GXYLT1: variants seen among roughly 807,000 people sequenced by gnomAD.
The protein encoded by GXYLT1 is glycosyltransferase 8 domain containing 3.
In GXYLT1, 29 loss-of-function variants were observed where a neutral mutation model predicts 54.0. The observed-to-expected ratio is 0.54, with a 90% CI of 0.40 to 0.73. The LOEUF is 0.73. Among genes scored for constraint, GXYLT1 ranks in the 30% least tolerant of loss-of-function variants. GXYLT1 has a pLI of 0.00. For missense variants in GXYLT1, 490 were observed against 553.4 expected (o/e 0.89, Z 1.15); for synonymous variants, 176 against 204.1 (o/e 0.86, Z 1.17).
chr12:42,096,655 AG>A (rs2065357481), intron 7 of GXYLT1, among the ~76,000 whole-genome samples: 1 of 152,188 alleles, frequency 6.6e-6, no homozygotes, highest in African/African-American at 2.4e-5. Flanking sequence ...AACATGGTGA[AG>A]ATTGTTTTGG....
At chr12:42,129,650 T>C (rs1334293014) in intron 2 of GXYLT1, 109 bp downstream of exon 2, 7 of 637,030 alleles carry the variant, frequency 1.1e-5, no homozygotes, top group South Asian at 2.6e-5. Flanking sequence ...GAAAATAAAT[T>C]ATTTGTATAA....
At position 42,104,254 on chromosome 12, in the gene GXYLT1, C is replaced by CTTT. The variant is rs200928276; in HGVS notation, c.864+1563_864+1564insAAA. On this transcript the variant is annotated intron_variant, in intron 5 of 7. Coordinates refer to ENST00000398675, the MANE Select transcript of GXYLT1 (RefSeq NM_173601.2). ...TTCAAATGCAGTTATTGAGAAGTCA[C>CTTT]ATTTTTTTTTTTTGCAGATAATCTT... 6.1e-5 allele frequency among the ~76,000 whole-genome samples: 6 copies of CTTT among 98,318 alleles called. 1 individual carries two copies. Among genetic ancestry groups the CTTT allele is most frequent in the Non-Finnish European group, 2.0e-5 (1 of 49,886 alleles). 64.5% of individuals were successfully genotyped at this position (98,318 alleles called of 152,430 possible).
intron 3 of GXYLT1, 29 bp from the exon 4 acceptor site, chr12:42,109,720 G>T: frequency 7.3e-7 from 1 of 1,362,986 alleles, no homozygotes; most frequent in Non-Finnish European, 1.0e-6. Flanking sequence ...AAACTGTTTA[G>T]TTTCACTCTG....
chr12:42,116,533 A>G (rs2065496552), intron 3 of GXYLT1, among the ~76,000 whole-genome samples: 1 of 152,356 alleles, frequency 6.6e-6, no homozygotes, highest in South Asian at 2.1e-4. Flanking sequence ...AAAAATGCTC[A>G]CCATCACTGG....
At chr12:42,099,285 A>T (rs1292420291) in intron 5 of GXYLT1, among the ~76,000 whole-genome samples, 1 of 152,210 alleles carries the variant, frequency 6.6e-6, no homozygotes, top group Non-Finnish European at 1.5e-5. Context: ...ACGCTACTTG[A>T]GAAAGAACCC....
rs2065417461 is a variant in GXYLT1, at chr12:42,105,934, C to T, written c.748G>A (p.Glu250Lys). 1 of 1,613,942 alleles carries T rather than the reference C, an allele frequency of 6.2e-7. No individual in the cohort carries two copies. The highest frequency in any genetic ancestry group is 1.7e-5 in the Admixed American group (1 of 60,008). Residue 250 changes from glutamate (E) to lysine (K), a missense_variant, in exon 5 of 8, where the codon GAA (glutamate) becomes AAA (lysine). Physicochemically the swap from Glu to Lys is moderately conservative, Grantham distance 56. Around this residue, in one of 2 missense-constraint regions of GXYLT1, gnomAD observed 342 missense variants for 342.6 expected, o/e 1.00. Transcript: ENST00000398675. The stretch of plus-strand genomic sequence containing the variant: ...CGATTATACCATCCTATTCGAGGTT[C>T]CTCATGTTCTGGTGCCATTGCAGCA... ...QIAAMAPEHE[E>K]PRIGWYNRFA... is the part of the protein sequence containing the mutation.
intron 5 of GXYLT1, among the ~76,000 whole-genome samples, chr12:42,102,208 G>A (rs1326187672): frequency 6.6e-6 from 1 of 152,098 alleles, no homozygotes; most frequent in African/African-American, 2.4e-5. Flanking sequence ...TAAAATTAAA[G>A]CGCATTCACA....
intron 1 of GXYLT1, among the ~76,000 whole-genome samples, chr12:42,133,918 C>T (rs1292141103): frequency 6.6e-5 from 10 of 152,072 alleles, no homozygotes; most frequent in African/African-American, 1.7e-4. Flanking sequence ...AAATGCTGGC[C>T]GGGCACAGTG....
intron 2 of GXYLT1, among the ~76,000 whole-genome samples, chr12:42,121,833 G>C (rs1053195397): frequency 1.3e-5 from 2 of 151,882 alleles, no homozygotes; most frequent in African/African-American, 2.4e-5. Flanking sequence ...ATTATATACA[G>C]TACAGGCTCA....
chr12:42,097,926 C>T lies in GXYLT1; in HGVS notation c.972G>A (p.Val324=). The T allele has an allele frequency of 6.3e-7, 1 of 1,585,896 alleles. No homozygotes were observed. The highest frequency in any genetic ancestry group is 8.6e-7 in the Non-Finnish European group (1 of 1,164,994). The change falls in exon 6 of 8, where the codon GTG becomes GTA. Residue 324 remains valine, a synonymous_variant. Transcript: ENST00000398675. ...AATAATTACCTGGATTATGAAAAAA[C>T]ACGATATTCAATAGATCTTGATCAC... ...TWGDQDLLNI[V]FFHNPESLFV...
At chr12:42,098,081 T>TA (rs768583628) in intron 5 of GXYLT1, 48 bp from the exon 6 acceptor site, 1 of 1,583,088 alleles carries the variant, frequency 6.3e-7, no homozygotes, top group East Asian at 2.2e-5. Context: ...AGGCTTAAAA[T>TA]GGCAGCATGA....
Position 42,087,926 on chromosome 12 carries a change from T to A in GXYLT1, c.1183A>T (p.Ile395Phe). Reference protein sequence around the residue: ...LRNCSFEDDNIRSLLKPLELE... With the variant: ...LRNCSFEDDNFRSLLKPLELE... ...TCTAAAGGTTTTAATAAGGAACGGA[T>A]GTTGTCATCTTCAAAAGAACACTAG... The change falls in exon 8 of 8, where the codon ATC becomes TTC. Residue 395 changes from isoleucine (I) to phenylalanine (F), a missense_variant. Around this residue, in one of 2 missense-constraint regions of GXYLT1, gnomAD observed 342 missense variants for 342.6 expected, o/e 1.00. Transcript: ENST00000398675. 1 of 1,552,262 alleles carries A rather than the reference T, an allele frequency of 6.4e-7. No individual in the cohort carries two copies. Among genetic ancestry groups the A allele is most frequent in the Non-Finnish European group, 8.7e-7 (1 of 1,150,464 alleles).
At chr12:42,119,295 A>G (rs2065516579) in intron 2 of GXYLT1, 124 bp from the exon 3 acceptor site, 4 of 738,340 alleles carry the variant, frequency 5.4e-6, no homozygotes, top group African/African-American at 5.3e-5. Context: ...AGTCCCAGCT[A>G]CACGGGAAGC....
chr12:42,143,085 T>G (rs1422597287), intron 1 of GXYLT1, among the ~76,000 whole-genome samples: 1 of 152,206 alleles, frequency 6.6e-6, no homozygotes, highest in Non-Finnish European at 1.5e-5. Flanking sequence ...ACAAAATTTG[T>G]AAATTTCTGT....
rs77580537 is a variant in GXYLT1 at position 42,083,624 on chromosome 12, A to G, written c.*4162T>C. ...ATATCTGAAAAATAAGACAGCCAAT[A>G]ATATCTTTTAAGGTATTTCTGCTGT... On this transcript the variant is annotated 3_prime_UTR_variant, in exon 8 of 8. Coordinates refer to ENST00000398675, the MANE Select transcript of GXYLT1 (RefSeq NM_173601.2). 8.1e-5 allele frequency: 2 copies of G among 24,734 alleles called. No individual in the cohort carries two copies. The highest frequency in any genetic ancestry group is 3.7e-4 in the Admixed American group (1 of 2,684). 1.5% of individuals were successfully genotyped at this position (24,734 alleles called of 1,614,324 possible).
At chr12:42,114,321 A>G (rs2065478881) in intron 3 of GXYLT1, among the ~76,000 whole-genome samples, 1 of 152,252 alleles carries the variant, frequency 6.6e-6, no homozygotes, top group South Asian at 2.1e-4. Flanking sequence ...AAACACGTCA[A>G]AAGATTAATG....
intron 3 of GXYLT1, among the ~76,000 whole-genome samples, chr12:42,111,009 C>G (rs959600800): frequency 1.3e-5 from 2 of 152,164 alleles, no homozygotes; most frequent in African/African-American, 4.8e-5. Flanking sequence ...AACACAGAGG[C>G]TGCACCTAAG....
intron 2 of GXYLT1, among the ~76,000 whole-genome samples, chr12:42,120,386 T>A (rs2065523553): frequency 1.3e-5 from 2 of 152,230 alleles, no homozygotes; most frequent in South Asian, 4.1e-4. Flanking sequence ...AACATGCTAG[T>A]CAAACACTAG....
chr12:42,144,564 A>G lies in GXYLT1; in HGVS notation c.83T>C (p.Val28Ala). 1.5e-6 allele frequency: 2 copies of G among 1,373,426 alleles called. No individual in the cohort carries two copies. Among genetic ancestry groups the G allele is most frequent in the South Asian group, 1.5e-5 (1 of 68,568 alleles). 85.1% of individuals were successfully genotyped at this position (1,373,426 alleles called of 1,614,324 possible). A position where few individuals can be genotyped will look rare whatever the true frequency, so the allele number is the denominator to read the frequency against. ...GCCGCCCGTTCCTTCTTCCAGGGAC[A>G]CGGCGAGCTGGCTGAAAGCGTAAAG... Reference protein sequence around the residue: ...SLLYAFSQLAVSLEEGTGGGG... With the variant: ...SLLYAFSQLAASLEEGTGGGG... The change falls in exon 1 of 8, where the codon GTG (valine) becomes GCG (alanine). Residue 28 changes from valine (V) to alanine (A), a missense_variant. This residue lies in a region of GXYLT1 where 148 missense variants were observed against 210.7 expected (regional missense o/e 0.70). Transcript: ENST00000398675.
Sources: gnomAD v4.1 joint callset for allele counts (sites outside exome capture counted in the v4.1 genomes callset) on GRCh38, gnomAD v4.1.1 for gene constraint, gnomAD v4.1.1 regional missense constraint, MANE v1.5 for transcripts, NCBI Gene and HGNC (gene_info 2026-07-23, HGNC 2026-07-21) for gene names.